The following TTLL11 variants were observed in gnomAD, a reference collection of about 807,000 sequenced individuals.
TTLL11 encodes tubulin tyrosine ligase like 11.
Under a neutral mutation model 51.7 loss-of-function variants are expected in TTLL11, and 42 were observed. That is an observed-to-expected ratio of 0.81 (90% CI 0.64 to 1.05). The LOEUF (loss-of-function observed/expected upper bound fraction) is 1.05, where lower values mean the gene tolerates loss of function less well. TTLL11 is among the 50% of genes least tolerant of loss of function. The pLI, the probability that TTLL11 is intolerant of heterozygous loss-of-function variation, is 0.00. For missense variants in TTLL11, 799 were observed against 940.4 expected (o/e 0.85, Z 1.97); for synonymous variants, 381 against 383.5 (o/e 0.99, Z 0.08).
chr9:121,996,544 T>G (rs967558398), intron 3 of TTLL11, among the ~76,000 whole-genome samples: 3 of 152,122 alleles, frequency 2.0e-5, no homozygotes, highest in Non-Finnish European at 4.4e-5. Context: ...ACACACTTTA[T>G]AAACAAAGAA....
chr9:122,090,443 T>C lies in TTLL11; in HGVS notation c.462+2244A>G, dbSNP rs115037470. ...CGCTATGATCCGGCCATACTCAAAG[T>C]CCTGAAAGGGCCTCTGCTTTGCCCA... is the stretch of plus-strand genomic sequence containing the variant. On this transcript the variant is annotated intron_variant, in intron 1 of 8. Transcript: ENST00000321582. Among the ~76,000 whole-genome samples, 1,064 of 152,188 alleles carry C rather than the reference T, an allele frequency of 7.0e-3. 16 individuals are homozygous for C. The highest frequency in any genetic ancestry group is 0.025 in the African/African-American group (1,029 of 41,512).
chr9:121,967,751 A>G (rs1842444743), intron 6 of TTLL11, among the ~76,000 whole-genome samples: 1 of 152,260 alleles, frequency 6.6e-6, no homozygotes, highest in Non-Finnish European at 1.5e-5. Flanking sequence ...CCAAATGTCC[A>G]TCAACTGACA....
intron 3 of TTLL11, among the ~76,000 whole-genome samples, chr9:122,030,776 C>CAAAAAAAAAAA (rs35456581): frequency 2.7e-4 from 19 of 69,310 alleles, no homozygotes; most frequent in South Asian, 6.6e-4. Context: ...ACAAAAAATA[C>CAAAAAAAAAAA]AAAAAAAAAA....
chr9:121,954,686 A>G (rs1372783153), intron 6 of TTLL11, among the ~76,000 whole-genome samples: 6 of 151,338 alleles, frequency 4.0e-5, no homozygotes, highest in African/African-American at 1.5e-4. Flanking sequence ...ACGCACACAC[A>G]CACACACACA....
At chr9:121,935,473 A>C (rs1314022036) in intron 6 of TTLL11, among the ~76,000 whole-genome samples, 2 of 152,218 alleles carry the variant, frequency 1.3e-5, no homozygotes, top group Non-Finnish European at 2.9e-5. Flanking sequence ...AGATCAGACA[A>C]GGCCTTGTCA....
intron 6 of TTLL11, among the ~76,000 whole-genome samples, chr9:121,931,583 TTAAAAAAA>T (rs1402089851): frequency 5.8e-5 from 6 of 103,836 alleles, no homozygotes; most frequent in Admixed American, 4.3e-4. Context: ...TTTCTACTAT[TTAAAAAAA>T]AAAAAAAAAA....
chr9:121,921,139 G>T (rs1438378857), intron 6 of TTLL11, among the ~76,000 whole-genome samples: 1 of 152,224 alleles, frequency 6.6e-6, no homozygotes, highest in Non-Finnish European at 1.5e-5. Flanking sequence ...GAAGACACCA[G>T]TGGAAAACCC....
intron 3 of TTLL11, among the ~76,000 whole-genome samples, chr9:122,024,339 C>T (rs1844267698): frequency 6.6e-6 from 1 of 152,144 alleles, no homozygotes; most frequent in South Asian, 2.1e-4. Flanking sequence ...TCAGAAGACT[C>T]ATTGTTAAGA....
chr9:121,981,998 A>G (rs543808377), intron 4 of TTLL11, among the ~76,000 whole-genome samples: 247 of 152,192 alleles, frequency 1.6e-3, no homozygotes, highest in African/African-American at 5.6e-3. Flanking sequence ...GCAGAGACCC[A>G]CTGAGATCTC....
rs1312748366 is a variant in TTLL11 at position 122,092,910 on chromosome 9, A to G, written c.239T>C (p.Val80Ala). 3.8e-6 allele frequency: 6 copies of G among 1,576,998 alleles called. No homozygotes were observed. The highest frequency in any genetic ancestry group is 1.2e-5 in the South Asian group (1 of 86,394). ...CAGCGTGGGCGGCGGCCGCTGAAGG[A>G]CCTGGGTGTTCCCCTCCTCAGCCGC... ...PSAAEEGNTQVLQRPPPTLPP... is the reference protein window; with the variant it reads ...PSAAEEGNTQALQRPPPTLPP... Residue 80 changes from valine to alanine, a missense_variant, in exon 1 of 9, where the codon GTC becomes GCC. By Grantham distance (64) the Val-to-Ala change is moderately conservative. Transcript: ENST00000321582.
intron 4 of TTLL11, 23 bp from the exon 5 acceptor site, chr9:121,975,002 A>G (rs531339446): frequency 6.8e-7 from 1 of 1,475,142 alleles, no homozygotes; most frequent in Non-Finnish European, 9.1e-7. Context: ...AACACAATTC[A>G]GAATTACTGT....
chr9:122,016,587 A>G (rs756298742), intron 3 of TTLL11, among the ~76,000 whole-genome samples: 3 of 152,234 alleles, frequency 2.0e-5, no homozygotes, highest in African/African-American at 7.2e-5. Flanking sequence ...TCCTAAACCC[A>G]GCGGAGGACG....
At chr9:121,826,515 GTATATA>G (rs771711221) in intron 8 of TTLL11, among the ~76,000 whole-genome samples, 1 of 34,450 alleles carries the variant, frequency 2.9e-5, no homozygotes, top group African/African-American at 7.0e-5. Context: ...ATATATATAT[GTATATA>G]TATATATGTG....
intron 3 of TTLL11, among the ~76,000 whole-genome samples, chr9:122,002,332 G>T (rs1171970716): frequency 6.6e-6 from 1 of 152,192 alleles, no homozygotes; most frequent in Non-Finnish European, 1.5e-5. Flanking sequence ...TCCCTTTGGG[G>T]ATATCTCGCT....
At chr9:122,040,831 C>T (rs1245237830) in intron 1 of TTLL11, among the ~76,000 whole-genome samples, 7 of 152,202 alleles carry the variant, frequency 4.6e-5, no homozygotes, top group Non-Finnish European at 1.5e-5. Flanking sequence ...TAATTTACAG[C>T]ATTTTGCTCA....
At chr9:122,045,760 T>C (rs2131837638) in intron 1 of TTLL11, among the ~76,000 whole-genome samples, 1 of 152,312 alleles carries the variant, frequency 6.6e-6, no homozygotes, top group South Asian at 2.1e-4. Flanking sequence ...TGGATGTACC[T>C]TGAAGATGTG....
At chr9:121,855,070 A>G (rs995284189) in intron 8 of TTLL11, among the ~76,000 whole-genome samples, 2 of 152,166 alleles carry the variant, frequency 1.3e-5, no homozygotes, top group African/African-American at 4.8e-5. Flanking sequence ...CCCAGGGTGC[A>G]GACGGGGGGT....
At chr9:122,084,099 T>A (rs1294354667) in intron 1 of TTLL11, among the ~76,000 whole-genome samples, 1 of 152,122 alleles carries the variant, frequency 6.6e-6, no homozygotes, top group Non-Finnish European at 1.5e-5. Flanking sequence ...AAATAGAATC[T>A]CCCTATGAGT....
chr9:121,965,107 C>A (rs1463689010), intron 6 of TTLL11, among the ~76,000 whole-genome samples: 1 of 152,164 alleles, frequency 6.6e-6, no homozygotes, highest in African/African-American at 2.4e-5. Flanking sequence ...TGCAAATATT[C>A]ATTTCTCTGT....
Sources: gnomAD v4.1 joint callset for allele counts (sites outside exome capture counted in the v4.1 genomes callset) on GRCh38, gnomAD v4.1.1 for gene constraint, MANE v1.5 for transcripts, NCBI Gene and HGNC (gene_info 2026-07-23, HGNC 2026-07-21) for gene names.